The following MARCHF1 variants were observed in gnomAD, a reference collection of about 807,000 sequenced individuals.
MARCHF1 encodes the protein membrane associated ring-CH-type finger 1.
Under a neutral mutation model 54.2 loss-of-function variants are expected in MARCHF1, and 40 were observed. The observed-to-expected ratio is 0.74, with a 90% CI of 0.57 to 0.96. The LOEUF (loss-of-function observed/expected upper bound fraction) is 0.96, where lower values mean the gene tolerates loss of function less well. MARCHF1 is among the 40% of genes least tolerant of loss of function. The pLI, the probability that MARCHF1 is intolerant of heterozygous loss-of-function variation, is 0.00. For synonymous variants in MARCHF1, 236 were observed against 236.3 expected, an observed-to-expected ratio of 1.00 and a Z score of 0.01; for missense variants, 586 against 656.5, an observed-to-expected ratio of 0.89 and a Z score of 1.17.
At chr4:164,337,133 TTAG>T (rs1447621349) in intron 1 of MARCHF1, among the ~76,000 whole-genome samples, 1 of 152,032 alleles carries the variant, frequency 6.6e-6, no homozygotes, top group African/African-American at 2.4e-5. Context: ...ACTGAATATA[TTAG>T]TAGTAAGCTA....
At chr4:164,094,455 A>G (rs1477640973) in intron 2 of MARCHF1, among the ~76,000 whole-genome samples, 1 of 152,160 alleles carries the variant, frequency 6.6e-6, no homozygotes, top group Non-Finnish European at 1.5e-5. Context: ...TCCGGAGAGA[A>G]CAGAGTAAGA....
At chr4:163,597,833 GC>G (rs2110873989) in intron 7 of MARCHF1, among the ~76,000 whole-genome samples, 1 of 152,246 alleles carries the variant, frequency 6.6e-6, no homozygotes, top group Admixed American at 6.5e-5. Context: ...AACTTTTGTA[GC>G]ATTTTGTTTC....
At chr4:164,181,621 T>A (rs1730836341) in intron 1 of MARCHF1, among the ~76,000 whole-genome samples, 1 of 152,212 alleles carries the variant, frequency 6.6e-6, no homozygotes, top group African/African-American at 2.4e-5. Context: ...AACTTTTCTA[T>A]AATGAGCAGT....
At chr4:163,740,837 T>C (rs1387338247) in intron 4 of MARCHF1, among the ~76,000 whole-genome samples, 2 of 152,174 alleles carry the variant, frequency 1.3e-5, no homozygotes, top group Non-Finnish European at 2.9e-5. Context: ...CTAGAGCTCA[T>C]AGTTCACAAA....
intron 3 of MARCHF1, among the ~76,000 whole-genome samples, chr4:163,893,083 T>C (rs1750696896): frequency 6.6e-6 from 1 of 151,248 alleles, no homozygotes; most frequent in Non-Finnish European, 1.5e-5. Flanking sequence ...TTTTTTTAAA[T>C]CTGGACAGTA....
intron 3 of MARCHF1, among the ~76,000 whole-genome samples, chr4:163,984,778 T>C (rs145390666): frequency 6.6e-6 from 1 of 152,256 alleles, no homozygotes; most frequent in East Asian, 1.9e-4. Flanking sequence ...TAGTAAGTGG[T>C]GTTCACATAT....
chr4:163,878,911 GAT>G (rs1321082160), intron 3 of MARCHF1, among the ~76,000 whole-genome samples: 2 of 152,156 alleles, frequency 1.3e-5, no homozygotes, highest in African/African-American at 4.8e-5. Flanking sequence ...ACTAGGCCTG[GAT>G]ATGACTGTGA....
chr4:164,275,423 T>C (rs1294293114), intron 1 of MARCHF1, among the ~76,000 whole-genome samples: 1 of 152,178 alleles, frequency 6.6e-6, no homozygotes, highest in Non-Finnish European at 1.5e-5. Flanking sequence ...GCACTTATTT[T>C]TTATTCTACT....
chr4:163,932,954 A>G, intron 3 of MARCHF1: 2 of 691,262 alleles, frequency 2.9e-6, no homozygotes, highest in Non-Finnish European at 5.4e-6. Flanking sequence ...ATAATTCCCA[A>G]GGAGCTTACC....
intron 4 of MARCHF1, among the ~76,000 whole-genome samples, chr4:163,787,992 G>A (rs555575488): frequency 3.9e-5 from 6 of 152,034 alleles, no homozygotes; most frequent in African/African-American, 1.4e-4. Flanking sequence ...GACAAATATT[G>A]TATACTTTGA....
At chr4:164,021,076 T>G (rs1753651738) in intron 2 of MARCHF1, among the ~76,000 whole-genome samples, 1 of 105,800 alleles carries the variant, frequency 9.5e-6, no homozygotes, top group African/African-American at 3.2e-5. Context: ...TCCATTTCTG[T>G]CCCTTTTTTT....
At chr4:163,730,675 A>C (rs1035494613) in intron 4 of MARCHF1, among the ~76,000 whole-genome samples, 1 of 151,782 alleles carries the variant, frequency 6.6e-6, no homozygotes, top group Admixed American at 6.6e-5. Flanking sequence ...CTACTTTTTT[A>C]TTTTTATTTT....
chr4:164,293,700 T>G (rs1015418504), intron 1 of MARCHF1, among the ~76,000 whole-genome samples: 3 of 152,250 alleles, frequency 2.0e-5, no homozygotes, highest in South Asian at 4.1e-4. Context: ...CACTTAAAAT[T>G]GCTAGCACAT....
intron 1 of MARCHF1, among the ~76,000 whole-genome samples, chr4:164,349,236 A>G (rs946167554): frequency 1.3e-5 from 2 of 152,170 alleles, no homozygotes; most frequent in Non-Finnish European, 2.9e-5. Context: ...ACACAAATGA[A>G]TTGAAAGTTA....
At chr4:164,016,870 T>A (rs1753554177) in intron 2 of MARCHF1, among the ~76,000 whole-genome samples, 2 of 152,154 alleles carry the variant, frequency 1.3e-5, no homozygotes, top group Admixed American at 6.5e-5. Context: ...TTTACCCTAA[T>A]TTGATCATTA....
intron 4 of MARCHF1, among the ~76,000 whole-genome samples, chr4:163,731,672 T>C (rs1024372610): frequency 1.3e-5 from 2 of 152,322 alleles, no homozygotes; most frequent in Admixed American, 6.5e-5. Context: ...CAGCTGAGTA[T>C]TGATCATCAC....
chr4:163,962,514 T>C (rs1167170609), intron 3 of MARCHF1, among the ~76,000 whole-genome samples: 1 of 151,916 alleles, frequency 6.6e-6, no homozygotes, highest in Non-Finnish European at 1.5e-5. Flanking sequence ...AAAAATATGC[T>C]ATGATTATGA....
Position 164,246,662 on chromosome 4 carries a change from G to A in MARCHF1, c.-322-135000C>T, listed in dbSNP as rs1454434511. On this transcript the variant is annotated intron_variant, in intron 1 of 9. Coordinates refer to ENST00000514618, the MANE Select transcript of MARCHF1 (RefSeq NM_001394959.1). ...CAGCAAAATAAACTACCATCAGAGT[G>A]AACAGGCAACCTACAAAATGGGAGA... Among the ~76,000 whole-genome samples, 2 of 46,088 alleles carry A rather than the reference G, an allele frequency of 4.3e-5. 1 individual carries two copies. The highest frequency in any genetic ancestry group is 1.1e-4 in the Non-Finnish European group (2 of 18,000). 30.2% of individuals were successfully genotyped at this position (46,088 alleles called of 152,430 possible). A position where few individuals can be genotyped will look rare whatever the true frequency, so the allele number is the denominator to read the frequency against.
At chr4:164,140,596 A>G (rs931565911) in intron 1 of MARCHF1, among the ~76,000 whole-genome samples, 1 of 152,156 alleles carries the variant, frequency 6.6e-6, no homozygotes, top group African/African-American at 2.4e-5. Context: ...AATTGTAGTC[A>G]GTCAGAGAGA....
Sources: gnomAD v4.1 joint callset for allele counts (sites outside exome capture counted in the v4.1 genomes callset) on GRCh38, gnomAD v4.1.1 for gene constraint, MANE v1.5 for transcripts, NCBI Gene and HGNC (gene_info 2026-07-23, HGNC 2026-07-21) for gene names.